ZNF704: variants seen among roughly 807,000 people sequenced by gnomAD.
The protein encoded by ZNF704 is zinc finger protein 704.
Under a neutral mutation model 44.7 loss-of-function variants are expected in ZNF704, and 10 were observed. The observed-to-expected ratio is 0.22, with a 90% CI of 0.14 to 0.38. ZNF704 has a LOEUF of 0.38. Among genes scored for constraint, ZNF704 ranks in the 10% least tolerant of loss-of-function variants. The probability of loss-of-function intolerance (pLI) is 1.00; values close to 1 mark genes in which losing one functional copy is unlikely to be tolerated. For synonymous variants in ZNF704, 211 were observed against 207.6 expected (o/e 1.02, Z -0.14); for missense variants, 390 against 545.5 (o/e 0.71, Z 2.84).
intron 2 of ZNF704, among the ~76,000 whole-genome samples, chr8:80,700,643 GCCTCCCACAAC>G (rs1173036699): frequency 3.3e-5 from 5 of 152,124 alleles, no homozygotes; most frequent in African/African-American, 1.2e-4. Context: ...ATATACTGCA[GCCTCCCACAAC>G]CCCTTCCTCA....
intron 2 of ZNF704, among the ~76,000 whole-genome samples, chr8:80,805,381 G>A (rs1807972493): frequency 6.6e-6 from 1 of 151,964 alleles, no homozygotes; most frequent in Non-Finnish European, 1.5e-5. Context: ...TCAATTCCAG[G>A]GTCTTTGGTG....
intron 1 of ZNF704, among the ~76,000 whole-genome samples, chr8:80,846,654 T>G (rs1327231286): frequency 1.3e-5 from 2 of 152,188 alleles, no homozygotes; most frequent in Non-Finnish European, 2.9e-5. Context: ...AAGTTCTTCT[T>G]TAGGTTGGAC....
At chr8:80,799,978 G>A (rs184267906) in intron 2 of ZNF704, among the ~76,000 whole-genome samples, 169 of 152,206 alleles carry the variant, frequency 1.1e-3, no homozygotes, top group African/African-American at 3.8e-3. Flanking sequence ...AACATAACCA[G>A]TCTGATGGAG....
chr8:80,782,094 A>C (rs11989857), intron 2 of ZNF704, among the ~76,000 whole-genome samples: 3 of 152,166 alleles, frequency 2.0e-5, no homozygotes, highest in African/African-American at 7.2e-5. Flanking sequence ...CCCATCCCCG[A>C]GCAATCATCA....
intron 2 of ZNF704, among the ~76,000 whole-genome samples, chr8:80,756,948 A>C (rs1807045825): frequency 6.6e-6 from 1 of 152,246 alleles, no homozygotes; most frequent in African/African-American, 2.4e-5. Flanking sequence ...AAGGTGGCCA[A>C]GGAGACACAT....
chr8:80,701,942 A>T (rs1818817101), intron 2 of ZNF704, among the ~76,000 whole-genome samples: 1 of 152,052 alleles, frequency 6.6e-6, no homozygotes, highest in African/African-American at 2.4e-5. Context: ...GAAGGGAAAC[A>T]TGGTTCTTTG....
At chr8:80,847,173 A>AAAAAT (rs952901401) in intron 1 of ZNF704, among the ~76,000 whole-genome samples, 8 of 152,156 alleles carry the variant, frequency 5.3e-5, no homozygotes, top group Non-Finnish European at 7.3e-5. Context: ...ACTCCATCTT[A>AAAAAT]AAAATAAAAT....
intron 2 of ZNF704, among the ~76,000 whole-genome samples, chr8:80,791,169 G>A (rs936459467): frequency 1.3e-5 from 2 of 152,140 alleles, no homozygotes; most frequent in Non-Finnish European, 2.9e-5. Context: ...ATGGAATTAG[G>A]ATGAGAGTGT....
At chr8:80,828,293 T>A (rs918762844) in intron 1 of ZNF704, among the ~76,000 whole-genome samples, 16 of 152,192 alleles carry the variant, frequency 1.1e-4, no homozygotes, top group Non-Finnish European at 2.2e-4. Context: ...GAGACAAATA[T>A]AAAATTAAAC....
chr8:80,873,825 T>C (rs1306415331), intron 1 of ZNF704, among the ~76,000 whole-genome samples: 1 of 147,026 alleles, frequency 6.8e-6, no homozygotes, highest in Non-Finnish European at 1.5e-5. Context: ...GCGGCCCCGG[T>C]GGCCCGAGGG....
chr8:80,848,130 CCAAT>C (rs1808796573), intron 1 of ZNF704, among the ~76,000 whole-genome samples: 1 of 152,126 alleles, frequency 6.6e-6, no homozygotes, highest in Non-Finnish European at 1.5e-5. Flanking sequence ...ATGAAAACAG[CCAAT>C]CTCAAAGGGT....
At chr8:80,841,625 C>T (rs1052106609) in intron 1 of ZNF704, among the ~76,000 whole-genome samples, 2 of 152,138 alleles carry the variant, frequency 1.3e-5, no homozygotes, top group African/African-American at 4.8e-5. Context: ...TGCTAATAGA[C>T]TTGTTCTTAG....
Position 80,768,756 on chromosome 8 carries a change from G to A in ZNF704, c.221+52618C>T, listed in dbSNP as rs114256003. On this transcript the variant is annotated intron_variant, in intron 2 of 8. Transcript: ENST00000327835. ...AATGGATACATCTCTTCCCAACCCC[G>A]TGTTTAGACATGTCATTTTAGTAGC... 2.1e-3 allele frequency among the ~76,000 whole-genome samples: 321 copies of A among 152,184 alleles called. 1 individual carries two copies. Among genetic ancestry groups the A allele is most frequent in the Non-Finnish European group, 3.5e-3 (239 of 68,010 alleles).
rs572534362 is a variant in ZNF704 at position 80,821,356 on chromosome 8, G to C, written c.221+18C>G. ...AACTTCCTGGGGCAGACACATGTGA[G>C]ATTTAATGTTCCCTTACCTTGCTGG... On this transcript the variant is annotated intron_variant, in intron 2 of 8. Coordinates refer to ENST00000327835, the MANE Select transcript of ZNF704 (RefSeq NM_001033723.3). The C allele has an allele frequency of 6.2e-7, 1 of 1,611,254 alleles. No homozygotes were observed. Among genetic ancestry groups the C allele is most frequent in the Non-Finnish European group, 8.5e-7 (1 of 1,177,630 alleles).
At chr8:80,671,057 G>A (rs1181110139) in intron 4 of ZNF704, among the ~76,000 whole-genome samples, 2 of 152,094 alleles carry the variant, frequency 1.3e-5, no homozygotes, top group South Asian at 2.1e-4. Context: ...ACGAATCCAG[G>A]GACTCTGGCT....
intron 2 of ZNF704, among the ~76,000 whole-genome samples, chr8:80,761,499 T>C (rs1410224185): frequency 1.3e-5 from 2 of 152,118 alleles, no homozygotes; most frequent in African/African-American, 4.8e-5. Context: ...TCCCCAAAAA[T>C]CATAATCCCT....
rs1309935634 is a variant in ZNF704, at chr8:80,760,674, AC to A, written c.221+60699del. On this transcript the variant is annotated intron_variant, in intron 2 of 8. Coordinates refer to ENST00000327835, the MANE Select transcript of ZNF704 (RefSeq NM_001033723.3). The stretch of plus-strand genomic sequence containing the variant: ...CATCTCAAAAAAAAAAAAAAAAAAA[AC>A]CAAAAAACAAAAAACAAAACCTGAG... 1.2e-3 allele frequency among the ~76,000 whole-genome samples: 176 copies of A among 147,562 alleles called. 1 individual carries two copies. The highest frequency in any genetic ancestry group is 4.3e-3 in the African/African-American group (167 of 39,178).
chr8:80,856,964 T>C (rs1808973156), intron 1 of ZNF704, among the ~76,000 whole-genome samples: 1 of 152,188 alleles, frequency 6.6e-6, no homozygotes, highest in Non-Finnish European at 1.5e-5. Context: ...CTTAACCATA[T>C]TAAGTTTCTA....
At chr8:80,780,571 T>A (rs1450210969) in intron 2 of ZNF704, among the ~76,000 whole-genome samples, 1 of 151,734 alleles carries the variant, frequency 6.6e-6, no homozygotes, top group African/African-American at 2.4e-5. Flanking sequence ...TGAGATGAGA[T>A]CATTTGGATT....
Sources: allele counts gnomAD v4.1 joint callset (sites outside exome capture counted in the v4.1 genomes callset), GRCh38; gene constraint gnomAD v4.1.1; transcripts MANE v1.5; gene names NCBI Gene and HGNC (gene_info 2026-07-23, HGNC 2026-07-21).